Variants in MTOR observed in about 807,000 individuals in gnomAD.
MTOR encodes serine/threonine-protein kinase mTOR.
MTOR carries 70 observed loss-of-function variants against 319.8 expected under a neutral mutation model. The observed-to-expected ratio is 0.22, with a 90% confidence interval of 0.18 to 0.27. MTOR has a LOEUF of 0.27. Among genes scored for constraint, MTOR ranks in the 10% least tolerant of loss-of-function variants. The pLI, the probability that MTOR is intolerant of heterozygous loss-of-function variation, is 1.00. For missense variants in MTOR, 1,890 were observed against 3,274.4 expected, an observed-to-expected ratio of 0.58 and a Z score of 10.32; for synonymous variants, 1,183 against 1,211.4, an observed-to-expected ratio of 0.98 and a Z score of 0.49.
intron 5 of MTOR, among the ~76,000 whole-genome samples, chr1:11,255,139 C>T (rs573299384): frequency 6.6e-6 from 1 of 152,164 alleles, no homozygotes; most frequent in East Asian, 1.9e-4. Flanking sequence ...AATCCCAGCA[C>T]TTTGGGAGGT....
intron 49 of MTOR, among the ~76,000 whole-genome samples, chr1:11,119,573 GA>G (rs555425607): frequency 6.9e-3 from 172 of 24,878 alleles, no homozygotes; most frequent in East Asian, 0.011. Flanking sequence ...TCCGTCTCGA[GA>G]AAAAAAAAAA....
At chr1:11,213,636 A>T (rs973394831) in intron 20 of MTOR, 70 bp from the exon 21 acceptor site, 36 of 1,508,040 alleles carry the variant, frequency 2.4e-5, no homozygotes, top group Non-Finnish European at 2.9e-5. Context: ...AAAGGAATCA[A>T]GATGGCCAGA....
intron 28 of MTOR, chr1:11,193,803 T>C: frequency 1.2e-6 from 2 of 1,612,010 alleles, no homozygotes; most frequent in Non-Finnish European, 1.7e-6. Flanking sequence ...GCCCCATGAC[T>C]GGACCAGTGC....
intron 25 of MTOR, among the ~76,000 whole-genome samples, chr1:11,208,106 GCCT>G (rs1646198048): frequency 6.6e-6 from 1 of 152,260 alleles, no homozygotes; most frequent in Admixed American, 6.5e-5. Context: ...TGTACATCTG[GCCT>G]CCTGCCTGGC....
intron 28 of MTOR, chr1:11,194,789 C>T (rs759220907): frequency 1.7e-4 from 265 of 1,602,374 alleles, no homozygotes; most frequent in Non-Finnish European, 2.2e-4. Context: ...CTGGCTCTAA[C>T]TCCTTACCTG....
At chr1:11,194,394 A>C in intron 28 of MTOR, 1 of 1,452,430 alleles carries the variant, frequency 6.9e-7, no homozygotes, top group East Asian at 2.3e-5. Flanking sequence ...TCAGGAGAGA[A>C]GGGGTATAGA....
At chr1:11,114,249 C>T (rs2100313222) in intron 53 of MTOR, 69 bp downstream of exon 53, 1 of 1,585,968 alleles carries the variant, frequency 6.3e-7, no homozygotes, top group Non-Finnish European at 8.6e-7. Flanking sequence ...TCTGCCTTGG[C>T]CTCCCAAAAT....
At chr1:11,192,741 T>C (rs1384726541) in intron 28 of MTOR, among the ~76,000 whole-genome samples, 3 of 114,426 alleles carry the variant, frequency 2.6e-5, no homozygotes, top group South Asian at 3.7e-4. Context: ...TGAGACTCCA[T>C]TTCAATTAAA....
intron 6 of MTOR, among the ~76,000 whole-genome samples, chr1:11,249,844 C>T (rs982365866): frequency 8.6e-5 from 13 of 150,980 alleles, no homozygotes; most frequent in East Asian, 2.0e-4. Flanking sequence ...GGCAACCATC[C>T]GATTTCTCAA....
In MTOR at chr1:11,108,273, A is replaced by G. The variant is rs776306539; in HGVS notation, c.7542T>C (p.Ser2514=). Residue 2514 remains serine (S), a synonymous_variant, in exon 57 of 58, where the codon TCT becomes TCC. Coordinates refer to ENST00000361445, the MANE Select transcript of MTOR (RefSeq NM_004958.4). ...VRDKLTGRDF[S]HDDTLDVPTQ... ...TTGGAACATCCAAAGTGTCATCATGAGAGAAGTCCCGACCTAGCACAGGAG... is the reference window on the plus strand; with the variant it reads ...TTGGAACATCCAAAGTGTCATCATGGGAGAAGTCCCGACCTAGCACAGGAG... 8 of 1,613,860 alleles carry G rather than the reference A, an allele frequency of 5.0e-6. No individual in the cohort carries two copies. The highest frequency in any genetic ancestry group is 1.7e-4 in the Middle Eastern group (1 of 6,060).
At chr1:11,259,224 A>G (rs755717395) in intron 2 of MTOR, 24 bp downstream of exon 2, 56 of 1,610,614 alleles carry the variant, frequency 3.5e-5, no homozygotes, top group Non-Finnish European at 4.7e-5. Context: ...TCCCACAATG[A>G]CTGGCCCCAG....
At chr1:11,134,615 C>A in intron 36 of MTOR, 149 bp from the exon 37 acceptor site, 1 of 618,024 alleles carries the variant, frequency 1.6e-6, no homozygotes, top group Non-Finnish European at 2.9e-6. Context: ...GGACAGAGGA[C>A]CAGGGCGTGA....
chr1:11,170,324 G>C (rs1360207968), intron 28 of MTOR, among the ~76,000 whole-genome samples: 1 of 150,898 alleles, frequency 6.6e-6, no homozygotes, highest in African/African-American at 2.5e-5. Context: ...ACATGGGGCT[G>C]GGTAAACTGT....
At chr1:11,216,335 G>C (rs1646469838) in intron 19 of MTOR, 101 bp from the exon 20 acceptor site, 1 of 798,580 alleles carries the variant, frequency 1.3e-6, no homozygotes. Context: ...CTATGGAATG[G>C]GTTTCCACAC....
At chr1:11,185,921 A>T (rs1044848405) in intron 28 of MTOR, among the ~76,000 whole-genome samples, 1 of 151,872 alleles carries the variant, frequency 6.6e-6, no homozygotes, top group East Asian at 1.9e-4. Flanking sequence ...CTGTACTAAA[A>T]AATACAAAAA....
chr1:11,236,955 T>C (rs991280030), intron 13 of MTOR, among the ~76,000 whole-genome samples: 10 of 152,260 alleles, frequency 6.6e-5, no homozygotes, highest in African/African-American at 2.4e-4. Context: ...TCCTAATTTG[T>C]TGACTGATGA....
At chr1:11,259,553 G>C in intron 1 of MTOR, 130 bp from the exon 2 acceptor site, 1 of 978,742 alleles carries the variant, frequency 1.0e-6, no homozygotes, top group South Asian at 1.8e-5. Flanking sequence ...AAGGTTGAGA[G>C]ATCTGATTGA....
In MTOR at chr1:11,133,074, G is replaced by C. The variant is rs1289904199; in HGVS notation, c.5364+6C>G. Reference sequence around the variant, plus strand: ...TGGGTCTCACAGGTGGCCTGCTTCTGATCACCTTGTACCAGCTGCGGTCGT... The same window carrying C: ...TGGGTCTCACAGGTGGCCTGCTTCTCATCACCTTGTACCAGCTGCGGTCGT... On this transcript the variant is annotated splice_donor_region_variant and intron_variant, in intron 38 of 57. Transcript: ENST00000361445. The surrounding 1 kb of genome is among the most constrained non-coding windows in gnomAD (Gnocchi z 4.0). The C allele has an allele frequency of 1.2e-6, 2 of 1,613,514 alleles. No homozygotes were observed. The highest frequency in any genetic ancestry group is 2.2e-5 in the East Asian group (1 of 44,878).
In MTOR at chr1:11,258,599, A is replaced by G. The variant is rs375507576; in HGVS notation, c.163-6T>C. On this transcript the variant is annotated splice_polypyrimidine_tract_variant and splice_region_variant and intron_variant, in intron 2 of 57. Transcript: ENST00000361445. ...GTAGACTCCTCTTGACTCATCTGCA[A>G]AAGAAGATATAATCAGAACAATTTC... The G allele has an allele frequency of 2.6e-5, 42 of 1,599,762 alleles. No homozygotes were observed. Among genetic ancestry groups the G allele is most frequent in the African/African-American group, 4.0e-5 (3 of 74,602 alleles).
Sources: gnomAD v4.1 joint callset for allele counts (sites outside exome capture counted in the v4.1 genomes callset) on GRCh38, gnomAD v4.1.1 for gene constraint, Gnocchi (gnomAD v3.1) non-coding constraint, MANE v1.5 for transcripts, NCBI Gene and HGNC (gene_info 2026-07-23, HGNC 2026-07-21) for gene names.